The following OR9Q1 variants were observed in gnomAD, a reference collection of about 807,000 sequenced individuals.
OR9Q1 encodes the protein olfactory receptor family 9 subfamily Q member 1.
For missense variants in OR9Q1, 374 were observed against 378.8 expected, an observed-to-expected ratio of 0.99 and a Z score of 0.11; for synonymous variants, 153 against 148.6, an observed-to-expected ratio of 1.03 and a Z score of -0.22.
chr11:58,036,288 T>C (rs751165332), intron 1 of OR9Q1, among the ~76,000 whole-genome samples: 4 of 152,242 alleles, frequency 2.6e-5, no homozygotes, highest in Non-Finnish European at 4.4e-5. Context: ...CAGCCTACTA[T>C]TGAGACCTAC....
chr11:58,052,935 A>C (rs1853280806), intron 1 of OR9Q1, among the ~76,000 whole-genome samples: 1 of 151,884 alleles, frequency 6.6e-6, no homozygotes, highest in African/African-American at 2.4e-5. Context: ...CAATCATTAA[A>C]AAGTCAGGAA....
chr11:58,144,275 A>G (rs1590613675), intron 2 of OR9Q1, among the ~76,000 whole-genome samples: 1 of 144,592 alleles, frequency 6.9e-6, no homozygotes, highest in Middle Eastern at 3.8e-3. Flanking sequence ...GAGAAAATGC[A>G]GTGTTTGGTT....
Position 58,180,186 on chromosome 11 carries a change from T to C in OR9Q1, c.742T>C (p.Ser248Pro). The change falls in exon 3 of 3, where the codon TCA becomes CCA. Residue 248 changes from serine to proline, a missense_variant. Physicochemically the swap from Ser to Pro is moderately conservative, Grantham distance 74. Coordinates refer to ENST00000335397, the MANE Select transcript of OR9Q1 (RefSeq NM_001005212.4). ...CTGCACCTCCCACCTCACTGCTGTGTCACTCTTCTTTGGTACCCTCATCTT... is the reference window on the plus strand; with the variant it reads ...CTGCACCTCCCACCTCACTGCTGTGCCACTCTTCTTTGGTACCCTCATCTT... ...STCTSHLTAVSLFFGTLIFMY... is the reference protein window; with the variant it reads ...STCTSHLTAVPLFFGTLIFMY... 6.2e-7 allele frequency: 1 copy of C among 1,614,082 alleles called. No individual in the cohort carries two copies. The highest frequency in any genetic ancestry group is 8.5e-7 in the Non-Finnish European group (1 of 1,179,964).
chr11:58,106,851 A>G (rs1565077274), intron 2 of OR9Q1, among the ~76,000 whole-genome samples: 4 of 152,098 alleles, frequency 2.6e-5, no homozygotes, highest in Admixed American at 2.0e-4. Flanking sequence ...CCATTGATGT[A>G]TATGTCTATT....
chr11:58,104,728 A>C (rs1223148028), intron 2 of OR9Q1, among the ~76,000 whole-genome samples: 1 of 152,110 alleles, frequency 6.6e-6, no homozygotes, highest in African/African-American at 2.4e-5. Flanking sequence ...CAATGCACTG[A>C]AGCAGTAAAT....
chr11:58,042,205 G>T (rs1590551021), intron 1 of OR9Q1, among the ~76,000 whole-genome samples: 1 of 85,676 alleles, frequency 1.2e-5, no homozygotes, highest in Non-Finnish European at 2.7e-5. Context: ...CCCTGGAATA[G>T]TCATTTATTC....
intron 2 of OR9Q1, among the ~76,000 whole-genome samples, chr11:58,141,409 T>G (rs1301319326): frequency 1.3e-5 from 2 of 152,208 alleles, no homozygotes; most frequent in Admixed American, 1.3e-4. Flanking sequence ...ACCTAATTTA[T>G]TGAGAGGTTT....
intron 1 of OR9Q1, chr11:58,030,784 A>G: frequency 1.7e-6 from 1 of 599,924 alleles, no homozygotes; most frequent in Non-Finnish European, 3.0e-6. Flanking sequence ...TTGTTTTCTC[A>G]TGTCCCTCAT....
chr11:58,082,234 G>C (rs926401108), intron 2 of OR9Q1, among the ~76,000 whole-genome samples: 14 of 152,196 alleles, frequency 9.2e-5, no homozygotes, highest in African/African-American at 2.6e-4. Flanking sequence ...ACTAGAAATA[G>C]CATTTGACCC....
chr11:58,176,657 G>A (rs1854609707), intron 2 of OR9Q1, among the ~76,000 whole-genome samples: 1 of 152,162 alleles, frequency 6.6e-6, no homozygotes, highest in Non-Finnish European at 1.5e-5. Context: ...AGGATCTTGA[G>A]GATGGTAGGG....
At chr11:58,132,890 A>C (rs1040804049) in intron 2 of OR9Q1, among the ~76,000 whole-genome samples, 2 of 152,170 alleles carry the variant, frequency 1.3e-5, no homozygotes, top group African/African-American at 2.4e-5. Context: ...CCTTTGCTCC[A>C]GTCTTCTAAT....
chr11:58,046,839 G>A (rs1254115610), intron 1 of OR9Q1, among the ~76,000 whole-genome samples: 1 of 151,802 alleles, frequency 6.6e-6, no homozygotes, highest in East Asian at 1.9e-4. Flanking sequence ...TTCCAGCCTG[G>A]GCAACAAGAG....
chr11:58,065,176 C>G (rs1322863077), intron 2 of OR9Q1, among the ~76,000 whole-genome samples: 1 of 152,106 alleles, frequency 6.6e-6, no homozygotes, highest in African/African-American at 2.4e-5. Flanking sequence ...ATAGGTTATT[C>G]AGATGCAGAA....
At chr11:58,039,753 T>A (rs974411590) in intron 1 of OR9Q1, among the ~76,000 whole-genome samples, 4 of 152,228 alleles carry the variant, frequency 2.6e-5, no homozygotes, top group Non-Finnish European at 5.9e-5. Context: ...TGATGGCAGA[T>A]CACAAACTCT....
At chr11:58,101,949 T>A (rs972618062) in intron 2 of OR9Q1, among the ~76,000 whole-genome samples, 8 of 152,108 alleles carry the variant, frequency 5.3e-5, no homozygotes, top group Non-Finnish European at 8.8e-5. Context: ...TTTCTTCATG[T>A]TGGTGAGGCT....
intron 2 of OR9Q1, among the ~76,000 whole-genome samples, chr11:58,150,906 C>T (rs1440850234): frequency 6.6e-6 from 1 of 152,000 alleles, no homozygotes; most frequent in East Asian, 1.9e-4. Context: ...ATGATAGCTC[C>T]GTGTATGTTA....
Position 58,031,737 on chromosome 11 carries a change from T to G in OR9Q1, c.-93+7633T>G, listed in dbSNP as rs778531348. The G allele has an allele frequency of 4.3e-6, 7 of 1,614,144 alleles. No homozygotes were observed. In the Admixed American group the frequency reaches 1.2e-4, roughly 27 times the overall value. ...CTCTTCTATGGCACTCTTTTCTTTA[T>G]GTATGTCCAGACCAAGGTGACCTCC... On this transcript the variant is annotated intron_variant, in intron 1 of 2. Transcript: ENST00000335397.
intron 2 of OR9Q1, among the ~76,000 whole-genome samples, chr11:58,129,029 A>C (rs1451087490): frequency 6.6e-6 from 1 of 152,208 alleles, no homozygotes; most frequent in African/African-American, 2.4e-5. Context: ...GTTATGCTGC[A>C]CTGTTAAATA....
intron 2 of OR9Q1, among the ~76,000 whole-genome samples, chr11:58,087,972 C>T (rs574673674): frequency 1.3e-4 from 20 of 151,660 alleles, no homozygotes; most frequent in Non-Finnish European, 2.8e-4. Context: ...ACTGCAACCT[C>T]TGCCTCCTGG....
Sources: allele counts gnomAD v4.1 joint callset (sites outside exome capture counted in the v4.1 genomes callset), GRCh38; gene constraint gnomAD v4.1.1; transcripts MANE v1.5; gene names NCBI Gene and HGNC (gene_info 2026-07-23, HGNC 2026-07-21).